Variants in VAV2 observed in about 807,000 individuals in gnomAD.
VAV2 encodes the protein guanine nucleotide exchange factor VAV2.
In VAV2, 67 loss-of-function variants were observed where a neutral mutation model predicts 132.5. That is an observed-to-expected ratio of 0.51 (90% CI 0.42 to 0.62). VAV2 has a LOEUF of 0.62. Ranked by LOEUF, VAV2 falls within the 20% of genes least tolerant of loss-of-function variation. The pLI is 0.00. For missense variants in VAV2, 938 were observed against 1,153.6 expected, an observed-to-expected ratio of 0.81 and a Z score of 2.71; for synonymous variants, 492 against 443.5, an observed-to-expected ratio of 1.11 and a Z score of -1.37.
chr9:133,832,970 C>T (rs2131777022), intron 4 of VAV2, among the ~76,000 whole-genome samples: 1 of 152,238 alleles, frequency 6.6e-6, no homozygotes, highest in East Asian at 1.9e-4. Flanking sequence ...CCCATCTCTC[C>T]CCTTTAAGAT....
intron 1 of VAV2, among the ~76,000 whole-genome samples, chr9:133,948,091 C>T (rs912203704): frequency 3.3e-5 from 5 of 152,256 alleles, no homozygotes; most frequent in African/African-American, 4.8e-5. Context: ...ATGCTCAGAC[C>T]GCACTGAGCC....
intron 29 of VAV2, among the ~76,000 whole-genome samples, chr9:133,765,820 AACAC>A (rs151111251): frequency 1.3e-5 from 2 of 151,816 alleles, no homozygotes; most frequent in Admixed American, 6.6e-5. Flanking sequence ...GAAATAGACA[AACAC>A]ACACACACAC....
intron 1 of VAV2, among the ~76,000 whole-genome samples, chr9:133,956,526 T>C (rs1841786280): frequency 6.6e-6 from 1 of 152,236 alleles, no homozygotes; most frequent in Non-Finnish European, 1.5e-5. Flanking sequence ...CTTAAAAAGT[T>C]ATCTCAGCTT....
At position 133,964,029 on chromosome 9, in the gene VAV2, A is replaced by G. The variant is rs868159956; in HGVS notation, c.205-24810T>C. On this transcript the variant is annotated intron_variant, in intron 1 of 29. Transcript: ENST00000371850. ...TAAAAAAAATTATTCATTCATATAT[A>G]TATATATATATATATATATACATAT... Among the ~76,000 whole-genome samples the G allele has an allele frequency of 9.8e-3, 889 of 90,578 alleles. 41 individuals are homozygous for G. The highest frequency in any genetic ancestry group is 0.028 in the African/African-American group (846 of 30,122). The allele number at this position is 90,578 out of a possible 152,430, so 59.4% of individuals were successfully genotyped here. A position where few individuals can be genotyped will look rare whatever the true frequency, so the allele number is the denominator to read the frequency against.
chr9:133,859,251 G>A (rs1463270236), intron 3 of VAV2, among the ~76,000 whole-genome samples: 2 of 152,236 alleles, frequency 1.3e-5, no homozygotes, highest in Non-Finnish European at 2.9e-5. Context: ...GTTGCCACCT[G>A]TAAACCCCAA....
chr9:133,894,645 C>G (rs1043579315), intron 2 of VAV2, among the ~76,000 whole-genome samples: 1 of 152,182 alleles, frequency 6.6e-6, no homozygotes, highest in Admixed American at 6.5e-5. Context: ...TCCCCACCGT[C>G]TCAGGCAGAT....
rs7019167 is a variant in VAV2 at position 133,794,996 on chromosome 9, C to A, written c.1101+672G>T. Among the ~76,000 whole-genome samples, 83,872 of 152,132 alleles carry A rather than the reference C, an allele frequency of 0.55. 23,557 individuals are homozygous for A. Among genetic ancestry groups the A allele is most frequent in the African/African-American group, 0.65 (26,849 of 41,498 alleles). On this transcript the variant is annotated intron_variant, in intron 12 of 29. Coordinates refer to ENST00000371850, the MANE Select transcript of VAV2 (RefSeq NM_001134398.2). The surrounding 1 kb of genome is among the most constrained non-coding windows in gnomAD (Gnocchi z 4.6). ...GAGGAGGAGGGTGCACCTGAGCCAA[C>A]ACCCGGAGCCGGGGAAGTGCAGGGC...
chr9:133,792,915 G>A (rs562977473), intron 12 of VAV2, among the ~76,000 whole-genome samples: 1 of 152,046 alleles, frequency 6.6e-6, no homozygotes, highest in Non-Finnish European at 1.5e-5. Flanking sequence ...ACCCCATCAC[G>A]TGGTCCCTCT....
intron 3 of VAV2, among the ~76,000 whole-genome samples, chr9:133,841,332 C>A (rs1469224673): frequency 6.6e-6 from 1 of 152,006 alleles, no homozygotes; most frequent in African/African-American, 2.4e-5. Context: ...ATCTCGGATG[C>A]AGCACTGGGC....
chr9:133,939,045 A>G, intron 2 of VAV2, 58 bp downstream of exon 2: 4 of 1,502,502 alleles, frequency 2.7e-6, no homozygotes, highest in Non-Finnish European at 2.8e-6. Flanking sequence ...CCTGCCGCTG[A>G]GCCGGCAAAT....
intron 2 of VAV2, among the ~76,000 whole-genome samples, chr9:133,917,441 C>CTTTTTTTTTTTTTTTTTTTTT (rs56141918): frequency 2.9e-4 from 39 of 132,574 alleles, no homozygotes; most frequent in African/African-American, 1.2e-3. Context: ...AAAACTCTTT[C>CTTTTTTTTTTTTTTTTTTTTT]TTTTTTTTTT....
At chr9:133,777,592 C>A in intron 22 of VAV2, 129 bp from the exon 23 acceptor site, 1 of 898,572 alleles carries the variant, frequency 1.1e-6, no homozygotes. Flanking sequence ...GTCTTCTTTC[C>A]CAACCTCAGC....
At chr9:133,873,552 G>A (rs567695207) in intron 2 of VAV2, among the ~76,000 whole-genome samples, 4 of 152,300 alleles carry the variant, frequency 2.6e-5, no homozygotes, top group Non-Finnish European at 4.4e-5. Flanking sequence ...ACTGCCCTGG[G>A]AAACGCCTGG....
rs1272425370 is a variant in VAV2, at chr9:133,762,065, G to A, written c.*1997C>T. On this transcript the variant is annotated 3_prime_UTR_variant, in exon 30 of 30. Coordinates refer to ENST00000371850, the MANE Select transcript of VAV2 (RefSeq NM_001134398.2). This position sits in a 1 kb window ranked among gnomAD's most constrained non-coding sequence, Gnocchi z 5.0. ...TGTTCACAGCTAATCTCAGGCCCCT[G>A]CAGTTTAGCCCCCTGCAGGGGACAC... 6.6e-6 allele frequency: 1 copy of A among 152,608 alleles called. No homozygotes were observed. The highest frequency in any genetic ancestry group is 1.5e-5 in the Non-Finnish European group (1 of 68,062). The allele number at this position is 152,608 out of a possible 1,614,324, so 9.5% of individuals were successfully genotyped here.
rs541829589 is a variant in VAV2, at chr9:133,895,778, C to T, written c.322-34346G>A. Among the ~76,000 whole-genome samples the T allele has an allele frequency of 2.6e-5, 4 of 152,278 alleles. No homozygotes were observed. The East Asian group carries it at 7.7e-4, about 29-fold the overall frequency. On this transcript the variant is annotated intron_variant, in intron 2 of 29. Transcript: ENST00000371850. Reference sequence around the variant, plus strand: ...CCCTGCACTGCACACTTCAAACGGGCGAACCCCATGGTGTGTCAACTGCAT... The same window carrying T: ...CCCTGCACTGCACACTTCAAACGGGTGAACCCCATGGTGTGTCAACTGCAT...
At chr9:133,875,105 C>A (rs1377093817) in intron 2 of VAV2, among the ~76,000 whole-genome samples, 1 of 152,218 alleles carries the variant, frequency 6.6e-6, no homozygotes, top group East Asian at 1.9e-4. Flanking sequence ...CCAGACTGAG[C>A]GCTTCACGGG....
At chr9:133,867,821 G>T (rs1283431620) in intron 2 of VAV2, among the ~76,000 whole-genome samples, 1 of 152,248 alleles carries the variant, frequency 6.6e-6, no homozygotes, top group Non-Finnish European at 1.5e-5. Flanking sequence ...CAACTGCCAG[G>T]AGAAATGGTC....
intron 2 of VAV2, among the ~76,000 whole-genome samples, chr9:133,876,176 C>T (rs182331838): frequency 2.0e-5 from 3 of 152,344 alleles, no homozygotes; most frequent in Non-Finnish European, 2.9e-5. Flanking sequence ...CCCCCAGGAT[C>T]GTGTGAGCCA....
At chr9:133,894,678 A>T (rs2131988224) in intron 2 of VAV2, among the ~76,000 whole-genome samples, 1 of 152,246 alleles carries the variant, frequency 6.6e-6, no homozygotes, top group South Asian at 2.1e-4. Context: ...GGGGACCACA[A>T]ACCCCTCCAG....
Sources: gnomAD v4.1 joint callset for allele counts (sites outside exome capture counted in the v4.1 genomes callset) on GRCh38, gnomAD v4.1.1 for gene constraint, Gnocchi (gnomAD v3.1) non-coding constraint, MANE v1.5 for transcripts, NCBI Gene and HGNC (gene_info 2026-07-23, HGNC 2026-07-21) for gene names.